LRRIQ3: variants seen among roughly 807,000 people sequenced by gnomAD.
LRRIQ3 encodes leucine-rich repeat and IQ domain-containing protein 3.
In LRRIQ3, 75 loss-of-function variants were observed where a neutral mutation model predicts 59.3. The observed-to-expected ratio is 1.26, with a 90% confidence interval of 1.05 to 1.53. LRRIQ3 has a LOEUF of 1.53. Among genes scored for constraint, LRRIQ3 ranks in the 40% most tolerant of loss-of-function variants. The pLI is 0.00. For synonymous variants in LRRIQ3, 250 were observed against 231.3 expected (o/e 1.08, Z -0.73); for missense variants, 831 against 710.0 (o/e 1.17, Z -1.94).
At chr1:74,162,716 C>T (rs78924022) in intron 3 of LRRIQ3, among the ~76,000 whole-genome samples, 13 of 151,734 alleles carry the variant, frequency 8.6e-5, no homozygotes, top group Admixed American at 7.2e-4. Context: ...CCTACTTCCA[C>T]GTTTTTAGTT....
At chr1:74,146,313 T>C (rs1001936788) in intron 4 of LRRIQ3, among the ~76,000 whole-genome samples, 2 of 152,188 alleles carry the variant, frequency 1.3e-5, no homozygotes, top group Non-Finnish European at 2.9e-5. Flanking sequence ...ATATACAATG[T>C]TAGTGTACCA....
chr1:74,188,366 G>GA (rs925809868), intron 1 of LRRIQ3, among the ~76,000 whole-genome samples: 46 of 152,104 alleles, frequency 3.0e-4, no homozygotes, highest in Non-Finnish European at 5.7e-4. Context: ...AAATTACCCT[G>GA]AAACAAGATT....
chr1:74,084,506 T>C (rs1646306278), intron 5 of LRRIQ3, among the ~76,000 whole-genome samples: 1 of 151,792 alleles, frequency 6.6e-6, no homozygotes, highest in Admixed American at 6.6e-5. Context: ...CCAAATATTT[T>C]TCTTGTGAAA....
intron 3 of LRRIQ3, among the ~76,000 whole-genome samples, chr1:74,167,428 T>C (rs1248324290): frequency 2.6e-5 from 4 of 151,068 alleles, no homozygotes; most frequent in African/African-American, 9.7e-5. Flanking sequence ...CATAAGAAGG[T>C]GATAGGTTCA....
chr1:74,126,473 GATATTGGTGCTTATAGCT>G (rs1391225983), intron 4 of LRRIQ3, among the ~76,000 whole-genome samples: 2 of 151,638 alleles, frequency 1.3e-5, no homozygotes, highest in Non-Finnish European at 3.0e-5. Flanking sequence ...TAATATATCT[GATATTGGTGCTTATAGCT>G]ATAAATTTAC....
chr1:74,190,230 C>T (rs1339970442), intron 1 of LRRIQ3, among the ~76,000 whole-genome samples: 1 of 151,976 alleles, frequency 6.6e-6, no homozygotes, highest in East Asian at 1.9e-4. Flanking sequence ...TTGAAAACAA[C>T]TAGGATTAAT....
intron 4 of LRRIQ3, among the ~76,000 whole-genome samples, chr1:74,149,712 T>A (rs1647804377): frequency 6.6e-6 from 1 of 152,218 alleles, no homozygotes; most frequent in South Asian, 2.1e-4. Flanking sequence ...TGGGTATAAC[T>A]TCTGCTATTT....
chr1:74,136,137 A>G (rs1647119942), intron 4 of LRRIQ3, among the ~76,000 whole-genome samples: 1 of 151,938 alleles, frequency 6.6e-6, no homozygotes. Flanking sequence ...TGTAGATGAA[A>G]TGGATGAATT....
intron 1 of LRRIQ3, among the ~76,000 whole-genome samples, chr1:74,189,344 T>A (rs920631142): frequency 6.6e-6 from 1 of 152,152 alleles, no homozygotes; most frequent in African/African-American, 2.4e-5. Flanking sequence ...CAAGTTCATT[T>A]TATTTTTCAA....
intron 4 of LRRIQ3, among the ~76,000 whole-genome samples, chr1:74,113,156 A>C (rs974782902): frequency 2.0e-5 from 3 of 151,958 alleles, no homozygotes; most frequent in Admixed American, 6.6e-5. Context: ...TTTAAAAAAA[A>C]CCAAAAATTT....
intron 3 of LRRIQ3, among the ~76,000 whole-genome samples, chr1:74,174,220 T>C (rs933904066): frequency 6.6e-6 from 1 of 152,218 alleles, no homozygotes; most frequent in Admixed American, 6.5e-5. Flanking sequence ...TTTTTTTCTT[T>C]TCTTTTCGTC....
chr1:74,183,706 TTTGA>T, intron 1 of LRRIQ3, 22 bp from the exon 2 acceptor site: 1 of 1,411,730 alleles, frequency 7.1e-7, no homozygotes. Context: ...AAGAAAGTGC[TTTGA>T]TTTTTTTTTC....
chr1:74,195,706 C>T lies in LRRIQ3; in HGVS notation c.-1+2290G>A, dbSNP rs1651071382. ...AACATCTTTTTAAAAATGTGGAATCCAAAACTAAACAGATTATTTCCTGTG... is the reference window on the plus strand; with the variant it reads ...AACATCTTTTTAAAAATGTGGAATCTAAAACTAAACAGATTATTTCCTGTG... On this transcript the variant is annotated intron_variant, in intron 1 of 7. Coordinates refer to ENST00000354431, the MANE Select transcript of LRRIQ3 (RefSeq NM_001105659.2). Among the ~76,000 whole-genome samples the T allele has an allele frequency of 3.3e-5, 5 of 151,958 alleles. No homozygotes were observed. In the South Asian group the frequency reaches 1.0e-3, roughly 32 times the overall value.
chr1:74,029,266 C>A (rs990613362), intron 7 of LRRIQ3, among the ~76,000 whole-genome samples: 1 of 151,980 alleles, frequency 6.6e-6, no homozygotes, highest in Non-Finnish European at 1.5e-5. Context: ...ATAGGAGTGG[C>A]GAGAGAGGGC....
intron 5 of LRRIQ3, chr1:74,084,262 T>A (rs757928056): frequency 3.3e-6 from 5 of 1,518,394 alleles, no homozygotes; most frequent in Non-Finnish European, 4.5e-6. Context: ...AAAAAATCAG[T>A]TAAACTCTTG....
At chr1:74,090,044 C>G (rs1646378058) in intron 5 of LRRIQ3, among the ~76,000 whole-genome samples, 1 of 151,982 alleles carries the variant, frequency 6.6e-6, no homozygotes, top group South Asian at 2.1e-4. Flanking sequence ...CTAGTGGTAA[C>G]TCAAGAATGT....
At chr1:74,090,944 CTT>C (rs1289592870) in intron 5 of LRRIQ3, among the ~76,000 whole-genome samples, 1 of 151,854 alleles carries the variant, frequency 6.6e-6, no homozygotes, top group Non-Finnish European at 1.5e-5. Flanking sequence ...AATTAAAAGT[CTT>C]TTGAAAATTA....
chr1:74,188,971 A>G (rs750277569), intron 1 of LRRIQ3, among the ~76,000 whole-genome samples: 1 of 152,186 alleles, frequency 6.6e-6, no homozygotes, highest in Admixed American at 6.5e-5. Context: ...TCCAAAATTT[A>G]TTGGCTTAAA....
intron 3 of LRRIQ3, among the ~76,000 whole-genome samples, chr1:74,165,405 T>C (rs1255368268): frequency 6.6e-6 from 1 of 151,646 alleles, no homozygotes; most frequent in African/African-American, 2.4e-5. Flanking sequence ...TCATTGCTAG[T>C]ATATAGAAAT....
Sources: allele counts gnomAD v4.1 joint callset (sites outside exome capture counted in the v4.1 genomes callset), GRCh38; gene constraint gnomAD v4.1.1; transcripts MANE v1.5; gene names NCBI Gene and HGNC (gene_info 2026-07-23, HGNC 2026-07-21).